The following NEGR1 variants were observed in gnomAD, a reference collection of about 807,000 sequenced individuals.
NEGR1 encodes the protein IgLON family member 4.
Under a neutral mutation model 40.9 loss-of-function variants are expected in NEGR1, and 10 were observed. The observed-to-expected ratio is 0.24, with a 90% confidence interval of 0.15 to 0.42. The LOEUF is 0.42. Among genes scored for constraint, NEGR1 ranks in the 10% least tolerant of loss-of-function variants. The probability of loss-of-function intolerance (pLI) is 1.00; values close to 1 mark genes in which losing one functional copy is unlikely to be tolerated. For missense variants in NEGR1, 352 were observed against 438.9 expected (o/e 0.80, Z 1.77); for synonymous variants, 185 against 166.8 (o/e 1.11, Z -0.84).
chr1:71,585,918 A>C (rs1649291910), intron 6 of NEGR1, among the ~76,000 whole-genome samples: 1 of 152,110 alleles, frequency 6.6e-6, no homozygotes, highest in Non-Finnish European at 1.5e-5. Context: ...CAACATTTGA[A>C]TTATACATGA....
chr1:72,245,494 G>A (rs1040822203), intron 1 of NEGR1, among the ~76,000 whole-genome samples: 4 of 152,062 alleles, frequency 2.6e-5, no homozygotes, highest in African/African-American at 7.2e-5. Context: ...TGCAGTACAC[G>A]TTAAGATACT....
chr1:71,472,167 T>G (rs1646786979), intron 6 of NEGR1, among the ~76,000 whole-genome samples: 1 of 152,120 alleles, frequency 6.6e-6, no homozygotes, highest in African/African-American at 2.4e-5. Context: ...TTAAGATCTA[T>G]CATTGAGTCT....
chr1:71,983,691 C>A (rs1009261297), intron 1 of NEGR1, among the ~76,000 whole-genome samples: 3 of 152,078 alleles, frequency 2.0e-5, no homozygotes, highest in African/African-American at 7.2e-5. Context: ...GTATAAAGAA[C>A]AAATGTCTGT....
At chr1:71,499,347 G>A (rs557836028) in intron 6 of NEGR1, among the ~76,000 whole-genome samples, 12 of 151,448 alleles carry the variant, frequency 7.9e-5, no homozygotes, top group African/African-American at 2.7e-4. Flanking sequence ...CAATCACCTA[G>A]TGCAGAGAAG....
intron 2 of NEGR1, among the ~76,000 whole-genome samples, chr1:71,815,953 C>T (rs1040116413): frequency 3.3e-5 from 5 of 152,088 alleles, no homozygotes; most frequent in Non-Finnish European, 4.4e-5. Context: ...TTTCCACTAT[C>T]AGTAAATAAC....
intron 1 of NEGR1, among the ~76,000 whole-genome samples, chr1:72,150,029 T>C (rs1393447139): frequency 1.3e-5 from 2 of 152,014 alleles, no homozygotes; most frequent in African/African-American, 4.8e-5. Context: ...GTCACACATA[T>C]CTTCATGTTG....
intron 4 of NEGR1, among the ~76,000 whole-genome samples, chr1:71,614,106 T>C (rs2101546011): frequency 6.6e-6 from 1 of 152,202 alleles, no homozygotes; most frequent in Non-Finnish European, 1.5e-5. Context: ...TTATTTATAG[T>C]TCTAGAAAAC....
chr1:71,802,201 A>G (rs549393458), intron 2 of NEGR1, among the ~76,000 whole-genome samples: 161 of 152,264 alleles, frequency 1.1e-3, no homozygotes, highest in African/African-American at 3.6e-3. Context: ...TAAAGAGAAG[A>G]AGAAATTATT....
chr1:71,882,844 T>C (rs1223930748), intron 2 of NEGR1, among the ~76,000 whole-genome samples: 1 of 152,116 alleles, frequency 6.6e-6, no homozygotes, highest in Non-Finnish European at 1.5e-5. Context: ...GCTATGTGAT[T>C]ATGAGTAATT....
intron 2 of NEGR1, among the ~76,000 whole-genome samples, chr1:71,799,198 C>T (rs1657456638): frequency 1.3e-5 from 2 of 152,036 alleles, no homozygotes; most frequent in Non-Finnish European, 2.9e-5. Flanking sequence ...TCCCCTAGCA[C>T]TCCACCCCCT....
intron 6 of NEGR1, among the ~76,000 whole-genome samples, chr1:71,581,386 G>T (rs1489408188): frequency 6.6e-6 from 1 of 152,114 alleles, no homozygotes; most frequent in Non-Finnish European, 1.5e-5. Context: ...CAAAAAATTG[G>T]GGAAATTTTC....
At chr1:72,079,146 T>A (rs1281823766) in intron 1 of NEGR1, among the ~76,000 whole-genome samples, 1 of 148,554 alleles carries the variant, frequency 6.7e-6, no homozygotes, top group Non-Finnish European at 1.5e-5. Flanking sequence ...ATTAAATGAG[T>A]GCCAAATTTC....
chr1:72,245,837 T>C (rs1654884318), intron 1 of NEGR1, among the ~76,000 whole-genome samples: 1 of 152,264 alleles, frequency 6.6e-6, no homozygotes, highest in Admixed American at 6.5e-5. Flanking sequence ...TAATACATGC[T>C]TCAAAAATTG....
intron 2 of NEGR1, among the ~76,000 whole-genome samples, chr1:71,800,007 C>T (rs1276088154): frequency 2.6e-5 from 4 of 152,066 alleles, no homozygotes; most frequent in East Asian, 1.9e-4. Context: ...CCACTGCACC[C>T]GGCTGTTTCC....
intron 3 of NEGR1, among the ~76,000 whole-genome samples, chr1:71,724,365 T>C (rs1272966721): frequency 6.6e-6 from 1 of 152,170 alleles, no homozygotes; most frequent in African/African-American, 2.4e-5. Context: ...TAGAAATATA[T>C]TTCATGCCTT....
At chr1:71,447,854 C>G (rs549682522) in intron 6 of NEGR1, among the ~76,000 whole-genome samples, 1 of 152,234 alleles carries the variant, frequency 6.6e-6, no homozygotes, top group Non-Finnish European at 1.5e-5. Context: ...TCTGTAAGTC[C>G]TCTTTCTTTT....
chr1:71,671,891 C>CTTTT (rs1652445568), intron 4 of NEGR1, among the ~76,000 whole-genome samples: 1 of 92,336 alleles, frequency 1.1e-5, no homozygotes, highest in Non-Finnish European at 2.4e-5. Context: ...TTCTCTCTCT[C>CTTTT]TCTTTTTTTT....
chr1:71,413,813 T>C (rs928063094), intron 6 of NEGR1, among the ~76,000 whole-genome samples: 10 of 152,166 alleles, frequency 6.6e-5, no homozygotes, highest in African/African-American at 2.4e-4. Context: ...TTATATCTTT[T>C]CTAATTATGA....
In NEGR1 at chr1:72,235,239, C is replaced by A. The variant is rs769382580; in HGVS notation, c.176+47080G>T. 3.3e-5 allele frequency among the ~76,000 whole-genome samples: 5 copies of A among 152,142 alleles called. No homozygotes were observed. In the East Asian group the frequency reaches 7.7e-4, roughly 24 times the overall value. ...CGTGCAAGCGTCAGGAAAGCACAGA[C>A]GTCCTTGGGATAGAATAACATATAA... On this transcript the variant is annotated intron_variant, in intron 1 of 6. Coordinates refer to ENST00000357731, the MANE Select transcript of NEGR1 (RefSeq NM_173808.3).
Sources: allele counts gnomAD v4.1 joint callset (sites outside exome capture counted in the v4.1 genomes callset), GRCh38; gene constraint gnomAD v4.1.1; transcripts MANE v1.5; gene names NCBI Gene and HGNC (gene_info 2026-07-23, HGNC 2026-07-21).